The following ITIH2 variants were observed in gnomAD, a reference collection of about 807,000 sequenced individuals.
ITIH2 encodes inter-alpha-trypsin inhibitor heavy chain H2.
Under a neutral mutation model 104.4 loss-of-function variants are expected in ITIH2, and 103 were observed. That is an observed-to-expected ratio of 0.99 (90% CI 0.84 to 1.16). The LOEUF (loss-of-function observed/expected upper bound fraction) is 1.16. ITIH2 is among the 50% of genes most tolerant of loss of function. ITIH2 has a pLI of 0.00. For synonymous variants in ITIH2, 436 were observed against 435.4 expected, an observed-to-expected ratio of 1.00 and a Z score of -0.02; for missense variants, 1,108 against 1,162.4, an observed-to-expected ratio of 0.95 and a Z score of 0.68.
chr10:7,728,040 A>G (rs1490716236), intron 11 of ITIH2, among the ~76,000 whole-genome samples: 1 of 152,188 alleles, frequency 6.6e-6, no homozygotes, highest in Non-Finnish European at 1.5e-5. Flanking sequence ...TGAATGCCTC[A>G]GTTCCACCTC....
rs1166764273 is a variant in ITIH2, at chr10:7,747,668, C to A, written c.2693+964C>A. On this transcript the variant is annotated intron_variant, in intron 20 of 20. Coordinates refer to ENST00000358415, the MANE Select transcript of ITIH2 (RefSeq NM_002216.3). ...TTGAGAGGCCAATGTGGGAGGATCA[C>A]CTGAGACCAGGAGTTCAAGACCAGC... Among the ~76,000 whole-genome samples the A allele has an allele frequency of 2.0e-5, 3 of 152,206 alleles. No individual in the cohort carries two copies. In the East Asian group the frequency reaches 5.8e-4, roughly 29 times the overall value.
chr10:7,747,333 G>A lies in ITIH2; in HGVS notation c.2693+629G>A, dbSNP rs182002266. On this transcript the variant is annotated intron_variant, in intron 20 of 20. Coordinates refer to ENST00000358415, the MANE Select transcript of ITIH2 (RefSeq NM_002216.3). Reference sequence around the variant, plus strand: ...CAGCCAACTTTGCTTTATTAGAAAGGATTCTTCACGCCCACAAATGTCATT... The same window carrying A: ...CAGCCAACTTTGCTTTATTAGAAAGAATTCTTCACGCCCACAAATGTCATT... Among the ~76,000 whole-genome samples the A allele has an allele frequency of 3.0e-3, 459 of 152,228 alleles. 2 individuals carry two copies. Among genetic ancestry groups the A allele is most frequent in the Admixed American group, 8.0e-3 (123 of 15,292 alleles).
At chr10:7,726,399 G>A (rs569104056) in intron 9 of ITIH2, among the ~76,000 whole-genome samples, 1 of 152,190 alleles carries the variant, frequency 6.6e-6, no homozygotes, top group African/African-American at 2.4e-5. Context: ...TTTGCATTAG[G>A]TAGAAATACT....
Position 7,744,771 on chromosome 10 carries a change from C to CAG in ITIH2, c.2409-20_2409-19insAG. ...GGTCTGTTCTGGAATGGTTTAATTCCTCTTGGACTTTCACACCAGGGTGCA... is the reference window on the plus strand; with the variant it reads ...GGTCTGTTCTGGAATGGTTTAATTCCAGTCTTGGACTTTCACACCAGGGTGCA... On this transcript the variant is annotated intron_variant, in intron 18 of 20. Transcript: ENST00000358415. 3 of 1,607,342 alleles carry CAG rather than the reference C, an allele frequency of 1.9e-6. No individual in the cohort carries two copies. The highest frequency in any genetic ancestry group is 1.7e-4 in the Middle Eastern group (1 of 6,032).
chr10:7,717,823 G>A, intron 6 of ITIH2, 35 bp downstream of exon 6: 4 of 1,587,036 alleles, frequency 2.5e-6, no homozygotes, highest in Non-Finnish European at 3.4e-6. Flanking sequence ...CAGTGACACT[G>A]TCCTTTTATA....
intron 20 of ITIH2, among the ~76,000 whole-genome samples, chr10:7,748,875 G>T (rs1177743110): frequency 6.6e-6 from 1 of 151,900 alleles, no homozygotes; most frequent in African/African-American, 2.4e-5. Context: ...GACCTGTGAG[G>T]TCAGCCTCAA....
chr10:7,718,730 C>T (rs1288760134), intron 6 of ITIH2, among the ~76,000 whole-genome samples: 1 of 152,078 alleles, frequency 6.6e-6, no homozygotes, highest in Admixed American at 6.5e-5. Flanking sequence ...TCTTTGTGTC[C>T]ATGTGTACTC....
intron 16 of ITIH2, among the ~76,000 whole-genome samples, chr10:7,742,829 T>C (rs1164669753): frequency 6.6e-6 from 1 of 152,122 alleles, no homozygotes; most frequent in Non-Finnish European, 1.5e-5. Flanking sequence ...TGCATATTTG[T>C]GTGTATTTCT....
intron 20 of ITIH2, among the ~76,000 whole-genome samples, chr10:7,748,389 A>G (rs1232922157): frequency 1.3e-5 from 2 of 149,764 alleles, no homozygotes; most frequent in African/African-American, 2.4e-5. Context: ...TCGTTCACGC[A>G]GTGTGAACGA....
chr10:7,726,865 A>G (rs527601719), intron 9 of ITIH2, 85 bp from the exon 10 acceptor site: 7 of 1,164,568 alleles, frequency 6.0e-6, no homozygotes, highest in African/African-American at 1.6e-5. Flanking sequence ...TTGAAAGATG[A>G]CCAGGATCAA....
In ITIH2 at chr10:7,735,093, TCA is replaced by T. The variant is rs1564304807; in HGVS notation, c.1957+3_1957+4del. The T allele has an allele frequency of 1.9e-6, 3 of 1,603,414 alleles. No individual in the cohort carries two copies. The highest frequency in any genetic ancestry group is 2.2e-5 in the South Asian group (2 of 90,696). On this transcript the variant is annotated splice_donor_region_variant and intron_variant, in intron 15 of 20. Coordinates refer to ENST00000358415, the MANE Select transcript of ITIH2 (RefSeq NM_002216.3). ...CGCAGGATCCCTCCTGCTGCTCAGG[TCA>T]GGGCTGCACCTGTGGGGACAAGTGG...
chr10:7,705,173 G>A lies in ITIH2; in HGVS notation c.150G>A (p.Arg50=), dbSNP rs760965755. ...AATTTCAATTGGTGGCAGAGAACCGGAGATATCAGGTATAGTAAGGTTTAC... is the reference window on the plus strand; with the variant it reads ...AATTTCAATTGGTGGCAGAGAACCGAAGATATCAGGTATAGTAAGGTTTAC... The part of the protein sequence containing the change: ...PGKFQLVAEN[R]RYQRSLPGES... The change falls in exon 2 of 21, where the codon CGG becomes CGA. Residue 50 remains arginine, a synonymous_variant. Coordinates refer to ENST00000358415, the MANE Select transcript of ITIH2 (RefSeq NM_002216.3). 1 of 1,608,542 alleles carries A rather than the reference G, an allele frequency of 6.2e-7. No individual in the cohort carries two copies. Among genetic ancestry groups the A allele is most frequent in the South Asian group, 1.1e-5 (1 of 90,938 alleles).
At chr10:7,747,511 C>T (rs770698965) in intron 20 of ITIH2, among the ~76,000 whole-genome samples, 16 of 152,126 alleles carry the variant, frequency 1.1e-4, no homozygotes, top group South Asian at 2.1e-4. Context: ...GAGGTACCGA[C>T]GGGAATCAGT....
chr10:7,732,332 A>T lies in ITIH2; in HGVS notation c.1648-6A>T. 6.2e-7 allele frequency: 1 copy of T among 1,612,090 alleles called. No homozygotes were observed. Among genetic ancestry groups the T allele is most frequent in the Non-Finnish European group, 8.5e-7 (1 of 1,178,314 alleles). On this transcript the variant is annotated splice_polypyrimidine_tract_variant and splice_region_variant and intron_variant, in intron 13 of 20. Transcript: ENST00000358415. ...GTGTCTCTCAACTGAACCTTCCATC[A>T]TCTAGGCTAACACGCAGTTAGTCTT...
At position 7,721,652 on chromosome 10, in the gene ITIH2, C is replaced by T; in HGVS notation, c.742C>T (p.His248Tyr). 3 of 1,613,488 alleles carry T rather than the reference C, an allele frequency of 1.9e-6. No individual in the cohort carries two copies. The South Asian group carries it at 3.3e-5, about 18-fold the overall frequency. The change falls in exon 8 of 21, where the codon CAC becomes TAC. Residue 248 changes from histidine to tyrosine, a missense_variant. Coordinates refer to ENST00000358415, the MANE Select transcript of ITIH2 (RefSeq NM_002216.3). ...CTGATGTCACCGTTCTTTCTAGGCGCACGTCTCCTTCAAGCCCACGGTAGC... is the reference window on the plus strand; with the variant it reads ...CTGATGTCACCGTTCTTTCTAGGCGTACGTCTCCTTCAAGCCCACGGTAGC... ...PVISKGQQKA[H>Y]VSFKPTVAQQ...
In ITIH2 at chr10:7,727,770, GT is replaced by G. The variant is rs1185596464; in HGVS notation, c.1223del (p.Leu408Ter). On this transcript the variant is annotated frameshift_variant, in exon 11 of 21. Transcript: ENST00000358415. LOFTEE classifies it high-confidence loss of function. The stretch of plus-strand genomic sequence containing the variant: ...TGAATGAAGCCAATAACTTGGGACT[GT>G]TAGACCCCAACTCCGTCTCGCTGAT... Reference protein sequence around the residue: ...ILNEANNLGLLDPNSVSLIIL... With the variant: ...ILNEANNLGLXDPNSVSLIIL... 6.2e-7 allele frequency: 1 copy of G among 1,614,126 alleles called. No homozygotes were observed. The highest frequency in any genetic ancestry group is 1.1e-5 in the South Asian group (1 of 91,082).
chr10:7,712,368 C>T (rs947435309), intron 4 of ITIH2, among the ~76,000 whole-genome samples: 8 of 152,130 alleles, frequency 5.3e-5, no homozygotes, highest in African/African-American at 1.2e-4. Flanking sequence ...GGCCCCACCT[C>T]GTAATGTCAT....
intron 13 of ITIH2, 44 bp downstream of exon 13, chr10:7,732,040 TAGATACAGTCCCTCTTG>T (rs1352169650): frequency 6.9e-7 from 1 of 1,443,956 alleles, no homozygotes; most frequent in Admixed American, 1.7e-5. Flanking sequence ...ACTGACCCCC[TAGATACAGTCCCTCTTG>T]AATGTCAGCT....
intron 12 of ITIH2, among the ~76,000 whole-genome samples, chr10:7,730,994 C>T (rs1834996661): frequency 6.6e-6 from 1 of 152,198 alleles, no homozygotes; most frequent in Admixed American, 6.5e-5. Flanking sequence ...TCTCGGCTCA[C>T]TGCAACCTCC....
Sources: gnomAD v4.1 joint callset for allele counts (sites outside exome capture counted in the v4.1 genomes callset) on GRCh38, gnomAD v4.1.1 for gene constraint, MANE v1.5 for transcripts, NCBI Gene and HGNC (gene_info 2026-07-23, HGNC 2026-07-21) for gene names.